Variants in GRID1 observed in about 807,000 individuals in gnomAD.
The protein encoded by GRID1 is glutamate receptor ionotropic, delta-1.
A neutral mutation model predicts 98.0 loss-of-function variants in GRID1; 28 were observed. The observed-to-expected ratio is 0.29, with a 90% CI of 0.21 to 0.39. GRID1 has a LOEUF of 0.39. Among genes scored for constraint, GRID1 ranks in the 10% least tolerant of loss-of-function variants. The pLI is 1.00. For synonymous variants in GRID1, 553 were observed against 538.5 expected (o/e 1.03, Z -0.37); for missense variants, 1,111 against 1,340.5 (o/e 0.83, Z 2.67).
chr10:85,793,432 A>G (rs1403416848), intron 8 of GRID1, among the ~76,000 whole-genome samples: 1 of 152,176 alleles, frequency 6.6e-6, no homozygotes, highest in African/African-American at 2.4e-5. Flanking sequence ...AGTGATCTCA[A>G]TTTTAAGCTC....
intron 12 of GRID1, among the ~76,000 whole-genome samples, chr10:85,666,803 C>G (rs118134810): frequency 1.3e-5 from 2 of 152,096 alleles, no homozygotes; most frequent in African/African-American, 2.4e-5. Context: ...TTCTGCCTAC[C>G]CAAGCTGGCT....
At chr10:86,197,155 A>G (rs964319624) in intron 3 of GRID1, among the ~76,000 whole-genome samples, 1 of 151,658 alleles carries the variant, frequency 6.6e-6, no homozygotes, top group Admixed American at 6.6e-5. Flanking sequence ...GCCAAGAGAA[A>G]ATAGAGTTCC....
chr10:85,771,345 C>A (rs572783233), intron 8 of GRID1, among the ~76,000 whole-genome samples: 3 of 152,158 alleles, frequency 2.0e-5, no homozygotes, highest in African/African-American at 7.2e-5. Context: ...AAAGGAACAA[C>A]CGGTACCAGC....
chr10:86,036,949 A>C (rs868172072), intron 4 of GRID1, among the ~76,000 whole-genome samples: 1 of 152,252 alleles, frequency 6.6e-6, no homozygotes, highest in African/African-American at 2.4e-5. Context: ...CCATAACTTG[A>C]CAAATTAATT....
At chr10:86,002,385 A>C (rs1055536240) in intron 4 of GRID1, among the ~76,000 whole-genome samples, 1 of 152,110 alleles carries the variant, frequency 6.6e-6, no homozygotes, top group African/African-American at 2.4e-5. Context: ...GCTTGGAAAA[A>C]CAGAGCTGCC....
At chr10:85,863,054 C>T (rs1271818289) in intron 6 of GRID1, among the ~76,000 whole-genome samples, 1 of 152,224 alleles carries the variant, frequency 6.6e-6, no homozygotes, top group Non-Finnish European at 1.5e-5. Flanking sequence ...TCGCGTACAA[C>T]ACCGGCTCTG....
chr10:86,126,183 T>C (rs183051302), intron 4 of GRID1, among the ~76,000 whole-genome samples: 93 of 152,194 alleles, frequency 6.1e-4, no homozygotes, highest in Middle Eastern at 6.8e-3. Flanking sequence ...CGGCCGGGCG[T>C]GGTGGCTCAC....
chr10:86,330,406 G>A (rs943409016), intron 2 of GRID1, among the ~76,000 whole-genome samples: 2 of 152,176 alleles, frequency 1.3e-5, no homozygotes, highest in African/African-American at 4.8e-5. Context: ...AATGCCACCA[G>A]GGCTGGACAC....
intron 8 of GRID1, among the ~76,000 whole-genome samples, chr10:85,735,198 C>A (rs1455816082): frequency 6.6e-6 from 1 of 152,164 alleles, no homozygotes; most frequent in Non-Finnish European, 1.5e-5. Context: ...GCCGCACACA[C>A]CCACTTTTGA....
rs1196880563 is a variant in GRID1 at position 85,619,855 on chromosome 10, G to T, written c.2360+12C>A. Reference sequence around the variant, plus strand: ...CTGAGGCAGCGGTAGTTACCTTGCTGCCCAAGCCTACCTCTGGGAGAAGAG... The same window carrying T: ...CTGAGGCAGCGGTAGTTACCTTGCTTCCCAAGCCTACCTCTGGGAGAAGAG... On this transcript the variant is annotated intron_variant, in intron 14 of 15. Coordinates refer to ENST00000327946, the MANE Select transcript of GRID1 (RefSeq NM_017551.3). 6.2e-7 allele frequency: 1 copy of T among 1,611,210 alleles called. No individual in the cohort carries two copies. The highest frequency in any genetic ancestry group is 1.7e-5 in the Admixed American group (1 of 59,992).
intron 5 of GRID1, among the ~76,000 whole-genome samples, chr10:85,871,579 CT>C (rs1434264617): frequency 1.3e-5 from 2 of 152,200 alleles, no homozygotes; most frequent in Non-Finnish European, 2.9e-5. Context: ...TTAAATCTTT[CT>C]CCTTGCATGT....
intron 13 of GRID1, among the ~76,000 whole-genome samples, chr10:85,640,323 G>A (rs983742771): frequency 5.9e-5 from 9 of 152,300 alleles, no homozygotes; most frequent in South Asian, 4.1e-4. Context: ...CCATACTCAC[G>A]TGGAAGCAGA....
rs1012498515 is a variant in GRID1, at chr10:85,880,809, A to G, written c.781-11629T>C. On this transcript the variant is annotated intron_variant, in intron 5 of 15. Coordinates refer to ENST00000327946, the MANE Select transcript of GRID1 (RefSeq NM_017551.3). ...AGGAGAAGGAAATAAAGGGTATTCA[A>G]TTAGGAAAAGAGTAAGTCAAATTGT... Among the ~76,000 whole-genome samples, 26 of 152,272 alleles carry G rather than the reference A, an allele frequency of 1.7e-4. 2 individuals carry two copies. Among genetic ancestry groups the G allele is most frequent in the African/African-American group, 5.8e-4 (24 of 41,560 alleles).
chr10:86,131,002 AG>A (rs138479332), intron 4 of GRID1, among the ~76,000 whole-genome samples: 6,474 of 152,230 alleles, frequency 0.043, 146 homozygotes, highest in Non-Finnish European at 0.054. Flanking sequence ...ACGTCCTGCG[AG>A]TGGGGTCAGG....
chr10:85,706,094 G>A (rs1193619439), intron 12 of GRID1, among the ~76,000 whole-genome samples: 1 of 152,128 alleles, frequency 6.6e-6, no homozygotes, highest in African/African-American at 2.4e-5. Flanking sequence ...TTAACATAGT[G>A]TTGGAAGTTC....
intron 2 of GRID1, among the ~76,000 whole-genome samples, chr10:86,348,269 C>T (rs1414414834): frequency 6.6e-6 from 1 of 152,178 alleles, no homozygotes; most frequent in Non-Finnish European, 1.5e-5. Context: ...TGCTGGTGCT[C>T]ACAGACTTCA....
chr10:86,287,069 C>T (rs934942423), intron 2 of GRID1, among the ~76,000 whole-genome samples: 2 of 152,104 alleles, frequency 1.3e-5, no homozygotes, highest in Non-Finnish European at 2.9e-5. Flanking sequence ...AGAGCAGGAC[C>T]CTAAAGGCTG....
intron 8 of GRID1, among the ~76,000 whole-genome samples, chr10:85,850,360 C>T (rs1200806062): frequency 6.6e-6 from 1 of 152,220 alleles, no homozygotes; most frequent in Non-Finnish European, 1.5e-5. Flanking sequence ...TGTTTTTCTT[C>T]TTGCAATGAT....
chr10:86,082,273 G>A (rs916931752), intron 4 of GRID1, among the ~76,000 whole-genome samples: 2 of 152,212 alleles, frequency 1.3e-5, no homozygotes, highest in Admixed American at 6.5e-5. Flanking sequence ...ATAGCCCTGG[G>A]CAGTGCAGTA....
Sources: gnomAD v4.1 joint callset for allele counts (sites outside exome capture counted in the v4.1 genomes callset) on GRCh38, gnomAD v4.1.1 for gene constraint, MANE v1.5 for transcripts, NCBI Gene and HGNC (gene_info 2026-07-23, HGNC 2026-07-21) for gene names.